NKAIN3: variants seen among roughly 807,000 people sequenced by gnomAD.
NKAIN3 encodes the protein sodium/potassium-transporting ATPase subunit beta-1-interacting protein 3.
A neutral mutation model predicts 30.2 loss-of-function variants in NKAIN3; 25 were observed. The observed-to-expected ratio is 0.83, with a 90% confidence interval of 0.60 to 1.16. NKAIN3 has a LOEUF of 1.16. Ranked by LOEUF, NKAIN3 falls within the 50% of genes most tolerant of loss-of-function variation. The pLI is 0.00. For missense variants in NKAIN3, 225 were observed against 254.1 expected, an observed-to-expected ratio of 0.89 and a Z score of 0.78; for synonymous variants, 91 against 89.6, an observed-to-expected ratio of 1.02 and a Z score of -0.09.
At chr8:62,721,167 C>T (rs1461034960) in intron 3 of NKAIN3, among the ~76,000 whole-genome samples, 3 of 151,994 alleles carry the variant, frequency 2.0e-5, no homozygotes, top group Admixed American at 6.6e-5. Flanking sequence ...ATATAGAAGC[C>T]GGAAATTTAA....
At chr8:62,858,246 G>C (rs748342908) in intron 4 of NKAIN3, among the ~76,000 whole-genome samples, 2 of 151,568 alleles carry the variant, frequency 1.3e-5, no homozygotes, top group East Asian at 3.9e-4. Flanking sequence ...TCCATCCCGG[G>C]GGGTACGGAC....
At chr8:62,553,598 G>A (rs974058951) in intron 1 of NKAIN3, among the ~76,000 whole-genome samples, 7 of 150,542 alleles carry the variant, frequency 4.6e-5, no homozygotes, top group South Asian at 2.1e-4. Flanking sequence ...GTACAGTGGC[G>A]CGATCTCGGC....
intron 5 of NKAIN3, among the ~76,000 whole-genome samples, chr8:62,919,906 G>GT (rs61197233): frequency 0.015 from 780 of 52,180 alleles, 5 homozygotes; most frequent in African/African-American, 0.086. Context: ...CTTACACAGA[G>GT]TTTTTTTTTT....
intron 1 of NKAIN3, among the ~76,000 whole-genome samples, chr8:62,478,645 C>CT (rs747038624): frequency 4.6e-5 from 7 of 152,056 alleles, no homozygotes; most frequent in Non-Finnish European, 8.8e-5. Context: ...TAAAGTAATA[C>CT]TTTTTCCTTT....
At chr8:62,658,193 C>A (rs1812822825) in intron 3 of NKAIN3, among the ~76,000 whole-genome samples, 1 of 152,166 alleles carries the variant, frequency 6.6e-6, no homozygotes, top group Non-Finnish European at 1.5e-5. Context: ...AGACCCAGTT[C>A]TCTGACACTG....
chr8:62,646,277 A>G (rs943151020), intron 3 of NKAIN3, among the ~76,000 whole-genome samples: 1 of 152,138 alleles, frequency 6.6e-6, no homozygotes, highest in Non-Finnish European at 1.5e-5. Flanking sequence ...AAACTAAGAA[A>G]GTGAATTTTT....
At chr8:62,654,557 G>A (rs1812713587) in intron 3 of NKAIN3, among the ~76,000 whole-genome samples, 1 of 152,166 alleles carries the variant, frequency 6.6e-6, no homozygotes, top group African/African-American at 2.4e-5. Flanking sequence ...TCAAAAATTA[G>A]AATGACTTTA....
intron 1 of NKAIN3, among the ~76,000 whole-genome samples, chr8:62,400,196 C>T (rs573728438): frequency 8.0e-4 from 89 of 110,614 alleles, no homozygotes; most frequent in African/African-American, 2.7e-3. Context: ...GACAGAGTTT[C>T]ACTCTGTCAC....
intron 3 of NKAIN3, among the ~76,000 whole-genome samples, chr8:62,622,258 G>T (rs1016761588): frequency 6.6e-6 from 1 of 151,956 alleles, no homozygotes; most frequent in Non-Finnish European, 1.5e-5. Flanking sequence ...TTTATGTACA[G>T]GTTTTGTGTG....
intron 3 of NKAIN3, among the ~76,000 whole-genome samples, chr8:62,607,251 C>T (rs951809322): frequency 6.6e-6 from 1 of 152,064 alleles, no homozygotes; most frequent in East Asian, 1.9e-4. Flanking sequence ...TAAACTGACA[C>T]CTGGATTTTG....
intron 1 of NKAIN3, among the ~76,000 whole-genome samples, chr8:62,547,990 G>A (rs1279498403): frequency 2.0e-5 from 3 of 152,138 alleles, no homozygotes; most frequent in Non-Finnish European, 2.9e-5. Context: ...TTCACAGCCC[G>A]TACTTTGAGT....
chr8:62,955,439 A>G (rs1026420437), intron 6 of NKAIN3, among the ~76,000 whole-genome samples: 1 of 152,178 alleles, frequency 6.6e-6, no homozygotes, highest in African/African-American at 2.4e-5. Flanking sequence ...GGGAGTGAGA[A>G]AAGAACTAAG....
chr8:62,465,225 C>G (rs902007300), intron 1 of NKAIN3, among the ~76,000 whole-genome samples: 1 of 152,142 alleles, frequency 6.6e-6, no homozygotes, highest in Non-Finnish European at 1.5e-5. Flanking sequence ...ATAACATCAT[C>G]AGATTTATAC....
intron 5 of NKAIN3, among the ~76,000 whole-genome samples, chr8:62,934,219 TA>T (rs35631193): frequency 0.1 from 15,479 of 150,926 alleles, 878 homozygotes; most frequent in South Asian, 0.15. Context: ...ACCTTCTCTC[TA>T]AAAAAAAGGA....
rs560437946 is a variant in NKAIN3 at position 62,976,565 on chromosome 8, A to C, written c.*11158A>C. On this transcript the variant is annotated 3_prime_UTR_variant, in exon 7 of 7. Coordinates refer to ENST00000623646, the MANE Select transcript of NKAIN3 (RefSeq NM_001304533.3). Reference sequence around the variant, plus strand: ...AATATCTCTCCATCCTTTTATTTTGAGCCTATGTGTGTCTTTGCACATGAG... The same window carrying C: ...AATATCTCTCCATCCTTTTATTTTGCGCCTATGTGTGTCTTTGCACATGAG... Among the ~76,000 whole-genome samples, 139 of 151,846 alleles carry C rather than the reference A, an allele frequency of 9.2e-4. 1 individual carries two copies. The highest frequency in any genetic ancestry group is 3.3e-3 in the African/African-American group (136 of 41,386).
rs779276758 is a variant in NKAIN3 at position 62,579,541 on chromosome 8, C to T, written c.57C>T (p.Val19=). 1.9e-6 allele frequency: 3 copies of T among 1,599,402 alleles called. No homozygotes were observed. Among genetic ancestry groups the T allele is most frequent in the African/African-American group, 1.4e-5 (1 of 73,920 alleles). The part of the protein sequence containing the change: ...SLICLCALQL[V]SALERQIFDF... The stretch of plus-strand genomic sequence containing the variant: ...TGAACTTTCTTTTTTTGTTGTAGGT[C>T]TCAGCATTAGAGAGGCAGATCTTTG... Residue 19 remains valine (V), a splice_region_variant and synonymous_variant, in exon 2 of 7, where the codon GTC becomes GTT. Transcript: ENST00000623646.
chr8:62,873,135 A>G (rs1820694679), intron 4 of NKAIN3, among the ~76,000 whole-genome samples: 1 of 152,140 alleles, frequency 6.6e-6, no homozygotes, highest in Non-Finnish European at 1.5e-5. Context: ...AAATAAAGAG[A>G]TGGAGGAAAA....
At chr8:62,898,435 C>T (rs1420887527) in intron 4 of NKAIN3, among the ~76,000 whole-genome samples, 2 of 151,958 alleles carry the variant, frequency 1.3e-5, no homozygotes, top group Non-Finnish European at 2.9e-5. Flanking sequence ...GAACTTGAGA[C>T]CATTATTCAA....
chr8:62,278,900 T>A (rs1006374721), intron 1 of NKAIN3, among the ~76,000 whole-genome samples: 1 of 152,094 alleles, frequency 6.6e-6, no homozygotes, highest in Non-Finnish European at 1.5e-5. Flanking sequence ...GCCCAGTAAT[T>A]GGATGGCTGG....
Sources: allele counts gnomAD v4.1 joint callset (sites outside exome capture counted in the v4.1 genomes callset), GRCh38; gene constraint gnomAD v4.1.1; transcripts MANE v1.5; gene names NCBI Gene and HGNC (gene_info 2026-07-23, HGNC 2026-07-21).